The following TMEFF2 variants were observed in gnomAD, a reference collection of about 807,000 sequenced individuals.
The protein encoded by TMEFF2 is transmembrane protein with EGF like and two follistatin like domains 2.
TMEFF2 carries 28 observed loss-of-function variants against 53.8 expected under a neutral mutation model. The observed-to-expected ratio is 0.52, with a 90% CI of 0.39 to 0.71. The LOEUF (loss-of-function observed/expected upper bound fraction) is 0.71. Among genes scored for constraint, TMEFF2 ranks in the 30% least tolerant of loss-of-function variants. The probability of loss-of-function intolerance (pLI) is 0.00; values close to 1 mark genes in which losing one functional copy is unlikely to be tolerated. For synonymous variants in TMEFF2, 162 were observed against 166.3 expected (o/e 0.97, Z 0.20); for missense variants, 353 against 455.2 (o/e 0.78, Z 2.04).
At position 192,117,674 on chromosome 2, in the gene TMEFF2, A is replaced by G. The variant is rs78922524; in HGVS notation, c.440-59899T>C. 6.3e-3 allele frequency among the ~76,000 whole-genome samples: 950 copies of G among 151,756 alleles called. 23 individuals are homozygous for G. The East Asian group carries it at 0.092, about 15-fold the overall frequency. Reference sequence around the variant, plus strand: ...CTCTTTTTCCACCTCCCCACCCCCCACTTTTCTGCATGGCAGATGAAAGGA... The same window carrying G: ...CTCTTTTTCCACCTCCCCACCCCCCGCTTTTCTGCATGGCAGATGAAAGGA... On this transcript the variant is annotated intron_variant, in intron 4 of 9. Transcript: ENST00000272771.
chr2:192,086,419 T>C (rs1318918380), intron 4 of TMEFF2, among the ~76,000 whole-genome samples: 2 of 152,180 alleles, frequency 1.3e-5, no homozygotes, highest in Non-Finnish European at 2.9e-5. Flanking sequence ...TTTATGTAGA[T>C]GTCTACCAAA....
intron 4 of TMEFF2, among the ~76,000 whole-genome samples, chr2:192,159,990 G>C (rs1348271267): frequency 6.6e-6 from 1 of 152,130 alleles, no homozygotes; most frequent in Non-Finnish European, 1.5e-5. Context: ...ATTTCCTTTG[G>C]CAACGAAATG....
chr2:192,087,104 A>C (rs1688685168), intron 4 of TMEFF2, among the ~76,000 whole-genome samples: 1 of 151,528 alleles, frequency 6.6e-6, no homozygotes, highest in Admixed American at 6.6e-5. Flanking sequence ...ATACTTATTT[A>C]TACCCTACTC....
intron 4 of TMEFF2, among the ~76,000 whole-genome samples, chr2:192,120,630 A>G (rs6737056): frequency 0.2 from 31,080 of 151,972 alleles, 5,401 homozygotes; most frequent in African/African-American, 0.46. Context: ...CCTTTCTACC[A>G]ATTTACCATC....
intron 4 of TMEFF2, among the ~76,000 whole-genome samples, chr2:192,073,485 AT>A (rs1472602928): frequency 6.6e-6 from 1 of 151,900 alleles, no homozygotes; most frequent in Non-Finnish European, 1.5e-5. Flanking sequence ...TCAAGACTAT[AT>A]ATCATCAGCA....
At chr2:192,075,286 T>TATATATATATATATATATAA (rs1688384743) in intron 4 of TMEFF2, among the ~76,000 whole-genome samples, 2 of 15,026 alleles carry the variant, frequency 1.3e-4, no homozygotes, top group African/African-American at 4.5e-4. Context: ...ACAGTACTAT[T>TATATATATATATATATATAA]ATATATATAT....
At position 191,950,415 on chromosome 2, in the gene TMEFF2, G is replaced by A. The variant is rs1691837887; in HGVS notation, c.1029-8C>T. On this transcript the variant is annotated splice_region_variant and splice_polypyrimidine_tract_variant and intron_variant, in intron 9 of 9. Coordinates refer to ENST00000272771, the MANE Select transcript of TMEFF2 (RefSeq NM_016192.4). ...TTGCTTCTGGGGCATTTCCTGGAAG[G>A]TTGGAAAGTTTACAAATCTCAGTCC... 3.7e-6 allele frequency: 6 copies of A among 1,613,790 alleles called. No homozygotes were observed. Among genetic ancestry groups the A allele is most frequent in the Non-Finnish European group, 5.1e-6 (6 of 1,179,912 alleles).
At chr2:191,968,340 T>C (rs1034996107) in intron 7 of TMEFF2, among the ~76,000 whole-genome samples, 2 of 152,036 alleles carry the variant, frequency 1.3e-5, no homozygotes, top group Admixed American at 6.6e-5. Flanking sequence ...AGAAGACAAA[T>C]AGAGGAAAAC....
rs553771224 is a variant in TMEFF2, at chr2:192,116,763, T to C, written c.440-58988A>G. 3.3e-5 allele frequency among the ~76,000 whole-genome samples: 5 copies of C among 152,210 alleles called. No homozygotes were observed. In the South Asian group the frequency reaches 8.3e-4, roughly 25 times the overall value. ...GTGAGACCTATGTATTAGAAATCTT[T>C]TTATATAAATTAAGACTGCTGCCTT... On this transcript the variant is annotated intron_variant, in intron 4 of 9. Transcript: ENST00000272771.
At chr2:192,087,305 C>T (rs1176100867) in intron 4 of TMEFF2, among the ~76,000 whole-genome samples, 1 of 151,976 alleles carries the variant, frequency 6.6e-6, no homozygotes, top group Non-Finnish European at 1.5e-5. Flanking sequence ...CAATTTAATT[C>T]AATACAGTGC....
At chr2:192,112,080 G>T (rs914635253) in intron 4 of TMEFF2, among the ~76,000 whole-genome samples, 1 of 152,180 alleles carries the variant, frequency 6.6e-6, no homozygotes, top group African/African-American at 2.4e-5. Flanking sequence ...AAAATGTGGG[G>T]TTACAGCCCC....
chr2:192,166,465 T>C (rs1009202423), intron 4 of TMEFF2, among the ~76,000 whole-genome samples: 1 of 152,206 alleles, frequency 6.6e-6, no homozygotes, highest in African/African-American at 2.4e-5. Flanking sequence ...ATTACATTCC[T>C]GTAGAAATTC....
chr2:191,955,346 TATATATTA>T (rs936213826), intron 8 of TMEFF2, among the ~76,000 whole-genome samples: 3 of 150,784 alleles, frequency 2.0e-5, no homozygotes, highest in Admixed American at 2.0e-4. Context: ...TTTAAATACA[TATATATTA>T]ATATATATAT....
At chr2:192,077,971 TAG>T (rs1688471751) in intron 4 of TMEFF2, among the ~76,000 whole-genome samples, 1 of 152,118 alleles carries the variant, frequency 6.6e-6, no homozygotes, top group Admixed American at 6.5e-5. Flanking sequence ...TAGCAAGCAC[TAG>T]AGTCTGCCAT....
At chr2:192,127,996 A>G (rs923060974) in intron 4 of TMEFF2, among the ~76,000 whole-genome samples, 1 of 152,196 alleles carries the variant, frequency 6.6e-6, no homozygotes, top group African/African-American at 2.4e-5. Flanking sequence ...GCCCTAAGTC[A>G]CACAATTCTA....
At chr2:192,050,968 A>G (rs1035672195) in intron 5 of TMEFF2, among the ~76,000 whole-genome samples, 5 of 152,100 alleles carry the variant, frequency 3.3e-5, no homozygotes, top group African/African-American at 9.7e-5. Flanking sequence ...CCCACCCCGA[A>G]ACATTTTTTG....
intron 4 of TMEFF2, among the ~76,000 whole-genome samples, chr2:192,077,790 ATATG>A (rs1173185724): frequency 7.2e-5 from 11 of 152,088 alleles, no homozygotes; most frequent in African/African-American, 9.7e-5. Context: ...ATACAATTTT[ATATG>A]TATGTATATA....
In TMEFF2 at chr2:191,950,302, A is replaced by AT. The variant is rs1461727024; in HGVS notation, c.*8dup. ...CTCGGTAGTCCAGCCACTGTGAAAC[A>AT]TGCTCCCTTTAGATTAACCTCGTGG... On this transcript the variant is annotated 3_prime_UTR_variant, in exon 10 of 10. Coordinates refer to ENST00000272771, the MANE Select transcript of TMEFF2 (RefSeq NM_016192.4). 6.2e-7 allele frequency: 1 copy of AT among 1,611,910 alleles called. No individual in the cohort carries two copies. Among genetic ancestry groups the AT allele is most frequent in the Non-Finnish European group, 8.5e-7 (1 of 1,178,666 alleles).
Position 192,194,475 on chromosome 2 carries a change from T to G in TMEFF2, c.50A>C (p.Glu17Ala). Residue 17 changes from glutamate to alanine, a missense_variant, in exon 1 of 10, where the codon GAG (glutamate) becomes GCG (alanine). Glu to Ala is a moderately radical substitution (Grantham distance 107). This residue lies in a region of TMEFF2 where 54 missense variants were observed against 41.8 expected (regional missense o/e 1.29). Transcript: ENST00000272771. The surrounding 1 kb of genome is among the most constrained non-coding windows in gnomAD (Gnocchi z 4.2). ...CAGCAGCAGCAGCCAGCAAAAGCCC[T>G]CGCAAAGTGTCCAGCTGCTGCACTG... The part of the protein sequence containing the change: ...PRQCSSWTLC[E>A]GFCWLLLLPV... 6.2e-7 allele frequency: 1 copy of G among 1,614,038 alleles called. No individual in the cohort carries two copies. Among genetic ancestry groups the G allele is most frequent in the Non-Finnish European group, 8.5e-7 (1 of 1,180,016 alleles).
Sources: allele counts gnomAD v4.1 joint callset (sites outside exome capture counted in the v4.1 genomes callset), GRCh38; gene constraint gnomAD v4.1.1; regional missense constraint gnomAD v4.1.1; non-coding constraint Gnocchi (gnomAD v3.1); transcripts MANE v1.5; gene names NCBI Gene and HGNC (gene_info 2026-07-23, HGNC 2026-07-21).